CEP85L: variants seen among roughly 807,000 people sequenced by gnomAD.
The protein encoded by CEP85L is centrosomal protein of 85 kDa-like.
In CEP85L, 60 loss-of-function variants were observed where a neutral mutation model predicts 100.3. The ratio of observed to expected loss-of-function variants is 0.60; its 90% CI spans 0.49 to 0.74. The LOEUF (loss-of-function observed/expected upper bound fraction) is 0.74. CEP85L is among the 30% of genes least tolerant of loss of function. The pLI is 0.00. For synonymous variants in CEP85L, 319 were observed against 322.7 expected, an observed-to-expected ratio of 0.99 and a Z score of 0.12; for missense variants, 973 against 936.2, an observed-to-expected ratio of 1.04 and a Z score of -0.51.
chr6:118,583,411 C>T (rs1780683751), intron 2 of CEP85L, among the ~76,000 whole-genome samples: 2 of 152,186 alleles, frequency 1.3e-5, no homozygotes, highest in South Asian at 4.1e-4. Flanking sequence ...TTTCTCAACC[C>T]CTTTTGCAGA....
intron 5 of CEP85L, among the ~76,000 whole-genome samples, chr6:118,505,095 G>A (rs1391395827): frequency 6.6e-6 from 1 of 151,968 alleles, no homozygotes; most frequent in Non-Finnish European, 1.5e-5. Flanking sequence ...ATTTAATTTT[G>A]TAGTCAGCCT....
At chr6:118,571,196 T>C (rs554971736) in intron 2 of CEP85L, among the ~76,000 whole-genome samples, 1 of 152,300 alleles carries the variant, frequency 6.6e-6, no homozygotes, top group East Asian at 1.9e-4. Flanking sequence ...TAATTAGAGG[T>C]AGATATAATG....
chr6:118,708,107 G>C (rs1209309784), intron 1 of CEP85L, among the ~76,000 whole-genome samples: 1 of 152,170 alleles, frequency 6.6e-6, no homozygotes, highest in Non-Finnish European at 1.5e-5. Context: ...GGAATATATA[G>C]ACAAAGATAT....
chr6:118,537,906 A>G, intron 3 of CEP85L: 1 of 985,110 alleles, frequency 1.0e-6, no homozygotes, highest in Non-Finnish European at 1.2e-6. Context: ...CTATCTGAAG[A>G]GATACTCTAC....
rs139778659 is a variant in CEP85L at position 118,481,486 on chromosome 6, T to G, written c.1745+293A>C. Among the ~76,000 whole-genome samples, 122 of 152,198 alleles carry G rather than the reference T, an allele frequency of 8.0e-4. 3 individuals are homozygous for G. In the East Asian group the frequency reaches 0.013, roughly 16 times the overall value. ...CTGAAATGTGTCAAAATCCAAAACTTTTTGAGCATGGACATGATGCTCAAA... is the reference window on the plus strand; with the variant it reads ...CTGAAATGTGTCAAAATCCAAAACTGTTTGAGCATGGACATGATGCTCAAA... On this transcript the variant is annotated intron_variant, in intron 8 of 12. Coordinates refer to ENST00000368491, the MANE Select transcript of CEP85L (RefSeq NM_001042475.3).
intron 5 of CEP85L, among the ~76,000 whole-genome samples, chr6:118,510,503 A>G (rs1056671499): frequency 6.6e-6 from 1 of 152,118 alleles, no homozygotes; most frequent in African/African-American, 2.4e-5. Flanking sequence ...TATTAAAACC[A>G]TATGACCATA....
At chr6:118,479,024 A>T (rs556099770) in intron 10 of CEP85L, among the ~76,000 whole-genome samples, 2 of 152,168 alleles carry the variant, frequency 1.3e-5, no homozygotes, top group Non-Finnish European at 2.9e-5. Context: ...AGTGAAATGG[A>T]AATTCCTTGA....
intron 5 of CEP85L, among the ~76,000 whole-genome samples, chr6:118,497,312 G>A (rs1774986971): frequency 1.3e-5 from 2 of 152,192 alleles, no homozygotes; most frequent in South Asian, 4.2e-4. Context: ...TGTGAAGCAG[G>A]GTTTTCTGCA....
intron 3 of CEP85L, chr6:118,559,204 A>G (rs1276648692): frequency 6.2e-6 from 5 of 811,884 alleles, no homozygotes; most frequent in Non-Finnish European, 1.1e-5. Context: ...TCTTTGTGAA[A>G]AGGTCAAGAT....
chr6:118,571,090 A>C (rs1417034631), intron 2 of CEP85L, among the ~76,000 whole-genome samples: 3 of 152,178 alleles, frequency 2.0e-5, no homozygotes, highest in Admixed American at 6.5e-5. Flanking sequence ...TAGGTGGGAA[A>C]AGGGTCATTA....
intron 2 of CEP85L, among the ~76,000 whole-genome samples, chr6:118,581,067 T>C (rs1780548341): frequency 6.6e-6 from 1 of 152,172 alleles, no homozygotes; most frequent in Admixed American, 6.5e-5. Context: ...ATGCTAACAC[T>C]GCAGCTTCCT....
chr6:118,608,718 CTTAAG>C (rs1417079658), intron 2 of CEP85L, among the ~76,000 whole-genome samples: 47 of 152,232 alleles, frequency 3.1e-4, no homozygotes, highest in African/African-American at 1.1e-3. Context: ...TAAAAAAGTA[CTTAAG>C]TTAATATGCT....
At chr6:118,506,013 C>T (rs1232278990) in intron 5 of CEP85L, among the ~76,000 whole-genome samples, 1 of 152,112 alleles carries the variant, frequency 6.6e-6, no homozygotes, top group Non-Finnish European at 1.5e-5. Flanking sequence ...GATCTTGGTA[C>T]TTCCCATTCA....
intron 6 of CEP85L, among the ~76,000 whole-genome samples, chr6:118,491,194 T>TACACACACACACACACACACACACAC: frequency 1.2e-5 from 1 of 81,304 alleles, no homozygotes; most frequent in East Asian, 4.3e-4. Flanking sequence ...TACCAACATC[T>TACACACACACACACACACACACACAC]ATACACACAC....
In CEP85L at chr6:118,545,467, A is replaced by G. The variant is rs539575370; in HGVS notation, c.1020+20062T>C. 4.6e-5 allele frequency among the ~76,000 whole-genome samples: 7 copies of G among 152,300 alleles called. No individual in the cohort carries two copies. In the East Asian group the frequency reaches 1.2e-3, roughly 25 times the overall value. On this transcript the variant is annotated intron_variant, in intron 3 of 12. Transcript: ENST00000368491. ...GCTGGGCGTGGTGGCACACGCCTGT[A>G]GTCTCAGCTACTTGGGAGGCTGAGG...
intron 1 of CEP85L, among the ~76,000 whole-genome samples, chr6:118,682,121 G>A (rs999940993): frequency 1.8e-4 from 28 of 152,156 alleles, no homozygotes; most frequent in African/African-American, 6.0e-4. Context: ...CTCATGTTCA[G>A]ACCATTTTTT....
At chr6:118,625,267 T>C (rs1773710215) in intron 2 of CEP85L, among the ~76,000 whole-genome samples, 1 of 152,246 alleles carries the variant, frequency 6.6e-6, no homozygotes, top group African/African-American at 2.4e-5. Context: ...CTTATTGATG[T>C]CTAAAGGGCA....
intron 4 of CEP85L, among the ~76,000 whole-genome samples, chr6:118,518,966 T>C (rs187712414): frequency 6.6e-6 from 1 of 152,330 alleles, no homozygotes; most frequent in Admixed American, 6.5e-5. Context: ...ACATCTTTAT[T>C]TCTGCCTTAA....
intron 1 of CEP85L, among the ~76,000 whole-genome samples, chr6:118,675,241 T>C (rs1274659011): frequency 6.6e-6 from 1 of 152,038 alleles, no homozygotes; most frequent in African/African-American, 2.4e-5. Context: ...TATTTTATGA[T>C]TCCACATAAA....
Sources: gnomAD v4.1 joint callset for allele counts (sites outside exome capture counted in the v4.1 genomes callset) on GRCh38, gnomAD v4.1.1 for gene constraint, MANE v1.5 for transcripts, NCBI Gene and HGNC (gene_info 2026-07-23, HGNC 2026-07-21) for gene names.